The following CNTN4 variants were observed in gnomAD, a reference collection of about 807,000 sequenced individuals.
The protein encoded by CNTN4 is contactin 4.
Under a neutral mutation model 122.5 loss-of-function variants are expected in CNTN4, and 77 were observed. The observed-to-expected ratio is 0.63, with a 90% CI of 0.52 to 0.76. The LOEUF (loss-of-function observed/expected upper bound fraction) is 0.76. CNTN4 is among the 30% of genes least tolerant of loss of function. CNTN4 has a pLI of 0.00. For missense variants in CNTN4, 1,256 were observed against 1,259.1 expected, an observed-to-expected ratio of 1.00 and a Z score of 0.04; for synonymous variants, 512 against 447.0, an observed-to-expected ratio of 1.15 and a Z score of -1.83.
intron 2 of CNTN4, chr3:2,132,463 G>C (rs937732644): frequency 6.6e-6 from 1 of 152,150 alleles, no homozygotes; most frequent in East Asian, 1.9e-4. Context: ...GTGAAGAAGA[G>C]AGATAATGTG....
chr3:2,975,300 A>G (rs1693318277), intron 13 of CNTN4, among the ~76,000 whole-genome samples: 1 of 152,160 alleles, frequency 6.6e-6, no homozygotes, highest in South Asian at 2.1e-4. Context: ...TTTCTTTCCT[A>G]CACCCTCCAA....
chr3:2,681,730 G>A (rs2085177885), intron 4 of CNTN4, among the ~76,000 whole-genome samples: 1 of 151,624 alleles, frequency 6.6e-6, no homozygotes, highest in South Asian at 2.1e-4. Flanking sequence ...TATATATGTA[G>A]AAATATTTTC....
At chr3:2,163,105 C>T (rs2036035743) in intron 2 of CNTN4, among the ~76,000 whole-genome samples, 1 of 152,152 alleles carries the variant, frequency 6.6e-6, no homozygotes, top group South Asian at 2.1e-4. Context: ...TCAAATTATA[C>T]TACAAGGCTA....
intron 2 of CNTN4, among the ~76,000 whole-genome samples, chr3:2,220,009 T>C (rs1345454744): frequency 6.6e-6 from 1 of 152,184 alleles, no homozygotes; most frequent in African/African-American, 2.4e-5. Flanking sequence ...TTTAAATCAA[T>C]TGATCAATAT....
intron 12 of CNTN4, among the ~76,000 whole-genome samples, chr3:2,917,216 A>G (rs1325373133): frequency 6.6e-6 from 1 of 151,478 alleles, no homozygotes; most frequent in African/African-American, 2.4e-5. Flanking sequence ...CAGGAGAATC[A>G]GGCAGGGAGG....
intron 3 of CNTN4, among the ~76,000 whole-genome samples, chr3:2,366,121 T>A (rs2045366089): frequency 6.6e-6 from 1 of 152,192 alleles, no homozygotes; most frequent in Admixed American, 6.5e-5. Context: ...TCTTTGAACC[T>A]TAGCTCTCAA....
intron 4 of CNTN4, among the ~76,000 whole-genome samples, chr3:2,600,005 CTTCTTTTTTTTTTTTTT>C (rs1419650223): frequency 0.016 from 452 of 28,302 alleles, 16 homozygotes; most frequent in African/African-American, 0.03. Flanking sequence ...TTATGGAATT[CTTCTTTTTTTTTTTTTT>C]TTTTTTTTTT....
At chr3:2,452,243 G>T (rs375018514) in intron 3 of CNTN4, among the ~76,000 whole-genome samples, 4 of 152,258 alleles carry the variant, frequency 2.6e-5, no homozygotes, top group African/African-American at 9.6e-5. Flanking sequence ...TTTCTTCTCT[G>T]CAAAATTAGG....
At chr3:2,656,919 C>T (rs2083616025) in intron 4 of CNTN4, among the ~76,000 whole-genome samples, 1 of 152,110 alleles carries the variant, frequency 6.6e-6, no homozygotes, top group South Asian at 2.1e-4. Flanking sequence ...GAGTTCTGGT[C>T]AGATATTTTC....
At chr3:2,853,350 T>C (rs2093578487) in intron 7 of CNTN4, among the ~76,000 whole-genome samples, 1 of 152,132 alleles carries the variant, frequency 6.6e-6, no homozygotes, top group South Asian at 2.1e-4. Context: ...GTTCAAGCGA[T>C]TCTCCTGCCT....
chr3:2,164,857 A>G (rs2036128693), intron 2 of CNTN4, among the ~76,000 whole-genome samples: 1 of 152,244 alleles, frequency 6.6e-6, no homozygotes, highest in African/African-American at 2.4e-5. Context: ...TACTGTTTAA[A>G]AAAAACAAAA....
rs563945764 is a variant in CNTN4 at position 2,202,360 on chromosome 3, A to C, written c.-145+101721A>C. ...TGGGAAAACCATGGGGGTGGGAGTT[A>C]CAAGTATTTGTTCTAATTTCAGCCT... On this transcript the variant is annotated intron_variant, in intron 2 of 24. Coordinates refer to ENST00000418658, the MANE Select transcript of CNTN4 (RefSeq NM_175607.3). Among the ~76,000 whole-genome samples, 3 of 152,316 alleles carry C rather than the reference A, an allele frequency of 2.0e-5. No individual in the cohort carries two copies. In the East Asian group the frequency reaches 5.8e-4, roughly 29 times the overall value.
At chr3:3,000,114 T>C (rs1257397780) in intron 14 of CNTN4, among the ~76,000 whole-genome samples, 1 of 152,170 alleles carries the variant, frequency 6.6e-6, no homozygotes, top group Non-Finnish European at 1.5e-5. Context: ...AGCCAAATTT[T>C]AGTGTCAGGT....
chr3:2,961,570 C>A (rs2094859702), intron 13 of CNTN4, among the ~76,000 whole-genome samples: 1 of 152,192 alleles, frequency 6.6e-6, no homozygotes, highest in African/African-American at 2.4e-5. Context: ...TTATTTTCCT[C>A]ACTGCCTGTT....
At chr3:2,172,566 AAG>A (rs554555992) in intron 2 of CNTN4, among the ~76,000 whole-genome samples, 1 of 152,214 alleles carries the variant, frequency 6.6e-6, no homozygotes, top group Non-Finnish European at 1.5e-5. Flanking sequence ...AAACAAAAAA[AAG>A]AAAACTGGTG....
At chr3:2,418,354 GAAC>G (rs1223725013) in intron 3 of CNTN4, among the ~76,000 whole-genome samples, 2 of 152,206 alleles carry the variant, frequency 1.3e-5, no homozygotes, top group East Asian at 3.9e-4. Context: ...TGTGAGATTA[GAAC>G]AACCTCTTCA....
At chr3:2,488,848 A>T (rs1485821280) in intron 3 of CNTN4, among the ~76,000 whole-genome samples, 1 of 152,194 alleles carries the variant, frequency 6.6e-6, no homozygotes, top group Non-Finnish European at 1.5e-5. Flanking sequence ...ATTGAAATGA[A>T]TGCTTACAAG....
intron 3 of CNTN4, among the ~76,000 whole-genome samples, chr3:2,506,968 T>C (rs958524286): frequency 1.3e-5 from 2 of 152,182 alleles, no homozygotes; most frequent in Non-Finnish European, 2.9e-5. Context: ...TTTGCATTGA[T>C]AGACTTGGAA....
chr3:2,164,173 TAAAA>T (rs1339674683), intron 2 of CNTN4, among the ~76,000 whole-genome samples: 1 of 141,980 alleles, frequency 7.0e-6, no homozygotes, highest in Non-Finnish European at 1.5e-5. Flanking sequence ...ACTATTGAAA[TAAAA>T]AAGAAAAAAA....
Sources: allele counts gnomAD v4.1 joint callset (sites outside exome capture counted in the v4.1 genomes callset), GRCh38; gene constraint gnomAD v4.1.1; transcripts MANE v1.5; gene names NCBI Gene and HGNC (gene_info 2026-07-23, HGNC 2026-07-21).